KCND2: variants seen among roughly 807,000 people sequenced by gnomAD.
The protein encoded by KCND2 is A-type voltage-gated potassium channel KCND2.
KCND2 carries 16 observed loss-of-function variants against 54.4 expected under a neutral mutation model. The observed-to-expected ratio is 0.29, with a 90% CI of 0.20 to 0.45. The LOEUF is 0.45. KCND2 is among the 20% of genes least tolerant of loss of function. The pLI is 1.00. For missense variants in KCND2, 486 were observed against 824.2 expected (o/e 0.59, Z 5.02); for synonymous variants, 317 against 310.7 (o/e 1.02, Z -0.21).
In KCND2 at chr7:120,726,825, A is replaced by T. The variant is rs78576651; in HGVS notation, c.1116-6078A>T. The stretch of plus-strand genomic sequence containing the variant: ...CTGAACTTCTGTGCACCTGCACAGG[A>T]TCTGTTCATTCATTCTATTCCTTAT... On this transcript the variant is annotated intron_variant, in intron 1 of 5. Coordinates refer to ENST00000331113, the MANE Select transcript of KCND2 (RefSeq NM_012281.3). 2.0e-3 allele frequency among the ~76,000 whole-genome samples: 302 copies of T among 152,316 alleles called. 2 individuals carry two copies. Among genetic ancestry groups the T allele is most frequent in the African/African-American group, 6.5e-3 (272 of 41,578 alleles).
rs938775255 is a variant in KCND2, at chr7:120,742,601, C to T, written c.1466C>T (p.Thr489Met). The T allele has an allele frequency of 1.2e-6, 2 of 1,612,126 alleles. No homozygotes were observed. The highest frequency in any genetic ancestry group is 1.7e-6 in the Non-Finnish European group (2 of 1,178,366). ...HHLLHCLEKT[T>M]NHEFVDEQVF... ...CTGCTTCACTGCCTGGAAAAAACCACGGTAAGGAGACAGCATGACTGCCTT... is the reference window on the plus strand; with the variant it reads ...CTGCTTCACTGCCTGGAAAAAACCATGGTAAGGAGACAGCATGACTGCCTT... The change falls in exon 4 of 6, where the codon ACG (threonine) becomes ATG (methionine). Residue 489 changes from threonine to methionine, a missense_variant and splice_region_variant. This residue lies in a region of KCND2 where 202 missense variants were observed against 252.7 expected (regional missense o/e 0.80). Coordinates refer to ENST00000331113, the MANE Select transcript of KCND2 (RefSeq NM_012281.3).
chr7:120,389,318 C>T (rs537013444), intron 1 of KCND2, among the ~76,000 whole-genome samples: 1 of 151,860 alleles, frequency 6.6e-6, no homozygotes, highest in African/African-American at 2.4e-5. Flanking sequence ...TACACTCAAG[C>T]AAGTTAACCT....
At chr7:120,579,791 A>G (rs186359678) in intron 1 of KCND2, among the ~76,000 whole-genome samples, 2 of 152,288 alleles carry the variant, frequency 1.3e-5, no homozygotes, top group African/African-American at 4.8e-5. Flanking sequence ...ACATTATACA[A>G]TAAGCACATC....
intron 1 of KCND2, among the ~76,000 whole-genome samples, chr7:120,653,387 T>G (rs554158716): frequency 6.6e-6 from 1 of 151,840 alleles, no homozygotes. Context: ...CCCCCAGAGA[T>G]AGTGGAATAA....
intron 1 of KCND2, among the ~76,000 whole-genome samples, chr7:120,294,888 A>G (rs1799486696): frequency 1.3e-5 from 2 of 151,692 alleles, no homozygotes; most frequent in Admixed American, 6.6e-5. Context: ...GTATGCCAGT[A>G]AAATATGTTT....
chr7:120,693,074 G>T (rs1379309808), intron 1 of KCND2, among the ~76,000 whole-genome samples: 1 of 152,170 alleles, frequency 6.6e-6, no homozygotes, highest in Non-Finnish European at 1.5e-5. Flanking sequence ...AATTATTTAG[G>T]TTGTGATGTC....
intron 1 of KCND2, among the ~76,000 whole-genome samples, chr7:120,391,457 G>T (rs1310934202): frequency 6.6e-6 from 1 of 152,004 alleles, no homozygotes; most frequent in Non-Finnish European, 1.5e-5. Flanking sequence ...GGGTCAAATG[G>T]TATTTCTGGT....
chr7:120,521,975 G>A (rs1040404494), intron 1 of KCND2, among the ~76,000 whole-genome samples: 1 of 152,138 alleles, frequency 6.6e-6, no homozygotes, highest in Non-Finnish European at 1.5e-5. Flanking sequence ...GATCTCTCAG[G>A]TTGCTGTCCA....
At chr7:120,687,530 T>G (rs1001026304) in intron 1 of KCND2, among the ~76,000 whole-genome samples, 1 of 152,028 alleles carries the variant, frequency 6.6e-6, no homozygotes, top group Non-Finnish European at 1.5e-5. Context: ...AAACATCATG[T>G]TGGGGGCAAG....
At chr7:120,706,799 C>CT (rs767429304) in intron 1 of KCND2, among the ~76,000 whole-genome samples, 2 of 152,212 alleles carry the variant, frequency 1.3e-5, no homozygotes, top group African/African-American at 4.8e-5. Flanking sequence ...ATCTATAATA[C>CT]TTTTTTCCTA....
chr7:120,602,247 G>A (rs941879260), intron 1 of KCND2, among the ~76,000 whole-genome samples: 3 of 152,196 alleles, frequency 2.0e-5, no homozygotes, highest in African/African-American at 7.2e-5. Flanking sequence ...TATGAAAAAT[G>A]TTCATTCTCA....
intron 1 of KCND2, among the ~76,000 whole-genome samples, chr7:120,311,130 C>T (rs764673745): frequency 5.9e-5 from 9 of 151,822 alleles, no homozygotes; most frequent in African/African-American, 9.7e-5. Context: ...ATGACATATA[C>T]GGTTTGTTTC....
intron 1 of KCND2, among the ~76,000 whole-genome samples, chr7:120,571,281 T>A (rs1792362270): frequency 6.6e-6 from 1 of 152,146 alleles, no homozygotes; most frequent in South Asian, 2.1e-4. Flanking sequence ...AGCCAAAATA[T>A]GAATTAAAGA....
At chr7:120,356,201 A>C (rs1800501921) in intron 1 of KCND2, among the ~76,000 whole-genome samples, 2 of 152,122 alleles carry the variant, frequency 1.3e-5, no homozygotes, top group Non-Finnish European at 2.9e-5. Flanking sequence ...CTAATGCTCT[A>C]ATGGAAAACT....
At chr7:120,360,527 T>G (rs1436787095) in intron 1 of KCND2, among the ~76,000 whole-genome samples, 3 of 152,102 alleles carry the variant, frequency 2.0e-5, no homozygotes, top group Admixed American at 1.3e-4. Context: ...ACTTAAAGTC[T>G]GTAAAAAGAT....
intron 1 of KCND2, among the ~76,000 whole-genome samples, chr7:120,541,144 T>G (rs944389814): frequency 2.0e-5 from 3 of 152,212 alleles, no homozygotes; most frequent in Non-Finnish European, 2.9e-5. Flanking sequence ...TAGTCCCTGT[T>G]ATTAGATTCA....
At chr7:120,569,945 A>C (rs1297565579) in intron 1 of KCND2, among the ~76,000 whole-genome samples, 3 of 152,142 alleles carry the variant, frequency 2.0e-5, no homozygotes, top group African/African-American at 7.2e-5. Flanking sequence ...GACAAATGCT[A>C]ATGATGCTCA....
At chr7:120,358,974 G>T (rs1800550132) in intron 1 of KCND2, among the ~76,000 whole-genome samples, 1 of 152,198 alleles carries the variant, frequency 6.6e-6, no homozygotes, top group South Asian at 2.1e-4. Flanking sequence ...AGCAGAAGCT[G>T]TTCTGTGGCA....
At chr7:120,620,818 T>G (rs1793088633) in intron 1 of KCND2, among the ~76,000 whole-genome samples, 1 of 152,194 alleles carries the variant, frequency 6.6e-6, no homozygotes, top group East Asian at 1.9e-4. Context: ...TTACTGTTCA[T>G]GCAGGAACTC....
Sources: allele counts gnomAD v4.1 joint callset (sites outside exome capture counted in the v4.1 genomes callset), GRCh38; gene constraint gnomAD v4.1.1; regional missense constraint gnomAD v4.1.1; transcripts MANE v1.5; gene names NCBI Gene and HGNC (gene_info 2026-07-23, HGNC 2026-07-21).